GLIS3: variants seen among roughly 807,000 people sequenced by gnomAD.
GLIS3 encodes the protein GLIS family zinc finger 3.
In GLIS3, 53 loss-of-function variants were observed where a neutral mutation model predicts 78.6. The ratio of observed to expected loss-of-function variants is 0.67; its 90% CI spans 0.54 to 0.85. GLIS3 has a LOEUF of 0.85. GLIS3 is among the 40% of genes least tolerant of loss of function. GLIS3 has a pLI of 0.00. For missense variants in GLIS3, 1,703 were observed against 1,231.1 expected (o/e 1.38, Z -5.74); for synonymous variants, 684 against 509.9 (o/e 1.34, Z -4.60).
At chr9:3,966,611 A>G (rs904952153) in intron 4 of GLIS3, among the ~76,000 whole-genome samples, 5 of 151,954 alleles carry the variant, frequency 3.3e-5, no homozygotes, top group African/African-American at 1.2e-4. Context: ...CCTGGCCAAC[A>G]TGGTGAAACC....
At chr9:4,259,688 G>A (rs138545608) in intron 2 of GLIS3, among the ~76,000 whole-genome samples, 27 of 152,274 alleles carry the variant, frequency 1.8e-4, no homozygotes, top group Non-Finnish European at 2.6e-4. Context: ...TTAACCTAGC[G>A]AAGGAGGCAG....
At chr9:3,835,278 A>G (rs971093425) in intron 9 of GLIS3, among the ~76,000 whole-genome samples, 2 of 152,200 alleles carry the variant, frequency 1.3e-5, no homozygotes, top group African/African-American at 4.8e-5. Flanking sequence ...CTCAGACTGG[A>G]CCATGATGAC....
At chr9:3,892,106 GACTCA>G (rs1329720417) in intron 7 of GLIS3, among the ~76,000 whole-genome samples, 1 of 152,134 alleles carries the variant, frequency 6.6e-6, no homozygotes, top group East Asian at 1.9e-4. Context: ...GCCAGGGTAA[GACTCA>G]ACTCTGAAAT....
intron 2 of GLIS3, among the ~76,000 whole-genome samples, chr9:4,315,987 T>C (rs952829125): frequency 6.6e-6 from 1 of 152,230 alleles, no homozygotes; most frequent in Non-Finnish European, 1.5e-5. Flanking sequence ...GGAAGCAGGA[T>C]ATTACATATT....
At chr9:4,341,109 T>G (rs1198717202) in intron 2 of GLIS3, among the ~76,000 whole-genome samples, 1 of 152,236 alleles carries the variant, frequency 6.6e-6, no homozygotes, top group Non-Finnish European at 1.5e-5. Flanking sequence ...ATGGTATGCT[T>G]AGAACTTATG....
At chr9:4,127,089 A>G (rs1832632891) in intron 2 of GLIS3, among the ~76,000 whole-genome samples, 1 of 152,168 alleles carries the variant, frequency 6.6e-6, no homozygotes, top group Admixed American at 6.5e-5. Context: ...CAAACAAGAC[A>G]TTGGAGCAGT....
intron 2 of GLIS3, among the ~76,000 whole-genome samples, chr9:4,203,851 C>G (rs1819618118): frequency 1.3e-5 from 2 of 152,150 alleles, no homozygotes; most frequent in Non-Finnish European, 2.9e-5. Context: ...TGAATTAACA[C>G]AAGAACAGGA....
At chr9:4,332,787 T>C (rs925911619) in intron 2 of GLIS3, among the ~76,000 whole-genome samples, 14 of 152,328 alleles carry the variant, frequency 9.2e-5, no homozygotes, top group African/African-American at 2.9e-4. Flanking sequence ...TAGGTGTTCC[T>C]CTACACATCT....
At chr9:3,905,965 G>C (rs1330696058) in intron 6 of GLIS3, among the ~76,000 whole-genome samples, 1 of 152,192 alleles carries the variant, frequency 6.6e-6, no homozygotes, top group Non-Finnish European at 1.5e-5. Context: ...GGCCTCTGTA[G>C]ACTGGACATT....
intron 4 of GLIS3, among the ~76,000 whole-genome samples, chr9:4,075,149 G>T (rs1588611367): frequency 7.5e-6 from 1 of 133,128 alleles, no homozygotes; most frequent in East Asian, 1.9e-4. Flanking sequence ...TACGTTCAGT[G>T]CATTTACTGT....
In GLIS3 at chr9:4,058,939, G is replaced by A. The variant is rs895187774; in HGVS notation, c.1710+58829C>T. Among the ~76,000 whole-genome samples the A allele has an allele frequency of 1.7e-4, 25 of 150,160 alleles. No individual in the cohort carries two copies. In the East Asian group the frequency reaches 2.0e-3, roughly 12 times the overall value. On this transcript the variant is annotated intron_variant, in intron 4 of 10. Coordinates refer to ENST00000381971, the MANE Select transcript of GLIS3 (RefSeq NM_001042413.2). ...GGAGCTTGCAGTGAGCCAAGATTGC[G>A]CCACTGCACTCCAGCGTGGGCCACA...
At chr9:3,885,767 CAG>C (rs1465990503) in intron 7 of GLIS3, among the ~76,000 whole-genome samples, 1 of 152,232 alleles carries the variant, frequency 6.6e-6, no homozygotes, top group Non-Finnish European at 1.5e-5. Flanking sequence ...AGCTGGACAA[CAG>C]AAATTCTGAT....
intron 4 of GLIS3, among the ~76,000 whole-genome samples, chr9:4,044,047 T>A (rs1482184599): frequency 1.3e-5 from 2 of 152,052 alleles, no homozygotes; most frequent in Non-Finnish European, 2.9e-5. Flanking sequence ...CAGGCAAACA[T>A]CACCAATAGG....
the GLIS3 span, among the ~76,000 whole-genome samples, chr9:4,356,746 T>C: frequency 1.8e-3 from 270 of 152,256 alleles, no homozygotes; most frequent in Non-Finnish European, 1.2e-3. Context: ...AACAATGAAT[T>C]TGGAATTTGC....
chr9:4,425,953 G>C, the GLIS3 span, among the ~76,000 whole-genome samples: 2 of 152,186 alleles, frequency 1.3e-5, no homozygotes, highest in South Asian at 4.1e-4. Context: ...TCTGTGCTCA[G>C]AACAGTGGTT....
chr9:3,947,581 G>A (rs904213715), intron 4 of GLIS3, among the ~76,000 whole-genome samples: 2 of 152,204 alleles, frequency 1.3e-5, no homozygotes, highest in African/African-American at 2.4e-5. Context: ...GGGTGTAGAA[G>A]CAAGCATGAA....
chr9:4,056,630 G>C (rs1469449027), intron 4 of GLIS3, among the ~76,000 whole-genome samples: 1 of 152,092 alleles, frequency 6.6e-6, no homozygotes, highest in African/African-American at 2.4e-5. Context: ...GAGATGAGGT[G>C]AGAGACGGGA....
chr9:4,075,788 C>G (rs1165122318), intron 4 of GLIS3, among the ~76,000 whole-genome samples: 1 of 151,904 alleles, frequency 6.6e-6, no homozygotes, highest in Non-Finnish European at 1.5e-5. Context: ...TAAAAAGGAA[C>G]TACTTAACCA....
At chr9:3,915,325 C>G (rs1220847310) in intron 6 of GLIS3, among the ~76,000 whole-genome samples, 1 of 152,032 alleles carries the variant, frequency 6.6e-6, no homozygotes, top group African/African-American at 2.4e-5. Flanking sequence ...ACTAGAAAGT[C>G]AAAAATCTAA....
Sources: allele counts gnomAD v4.1 joint callset (sites outside exome capture counted in the v4.1 genomes callset), GRCh38; gene constraint gnomAD v4.1.1; transcripts MANE v1.5; gene names NCBI Gene and HGNC (gene_info 2026-07-23, HGNC 2026-07-21).